The following SLC38A9 variants were observed in gnomAD, a reference collection of about 807,000 sequenced individuals.
SLC38A9 encodes the protein solute carrier family 38 member 9, also known as neutral amino acid transporter 9.
SLC38A9 carries 48 observed loss-of-function variants against 62.3 expected under a neutral mutation model. The ratio of observed to expected loss-of-function variants is 0.77; its 90% CI spans 0.61 to 0.98. SLC38A9 has a LOEUF of 0.98. Among genes scored for constraint, SLC38A9 ranks in the 50% least tolerant of loss-of-function variants. The pLI is 0.00. For missense variants in SLC38A9, 541 were observed against 679.8 expected, an observed-to-expected ratio of 0.80 and a Z score of 2.27; for synonymous variants, 204 against 227.7, an observed-to-expected ratio of 0.90 and a Z score of 0.94.
chr5:55,671,333 TTTTATAA>T (rs1373625933), intron 4 of SLC38A9, among the ~76,000 whole-genome samples: 2 of 151,896 alleles, frequency 1.3e-5, no homozygotes, highest in African/African-American at 4.8e-5. Flanking sequence ...ATTTTATAAA[TTTTATAA>T]TTTATAATTT....
At position 55,652,622 on chromosome 5, in the gene SLC38A9, T is replaced by TA; in HGVS notation, c.858dup (p.Lys287Ter). The TA allele has an allele frequency of 6.2e-7, 1 of 1,613,840 alleles. No homozygotes were observed. The highest frequency in any genetic ancestry group is 1.1e-5 in the South Asian group (1 of 91,062). ...AGATAAAAGGGGACTGTCCTGGACT[T>TA]ATCCCACCACTTTTCAAACTGTTGG... On this transcript the variant is annotated frameshift_variant, in exon 10 of 16. Coordinates refer to ENST00000396865, the MANE Select transcript of SLC38A9 (RefSeq NM_173514.4). LOFTEE classifies it high-confidence loss of function.
chr5:55,664,994 A>T, intron 7 of SLC38A9, 131 bp from the exon 8 acceptor site: 2 of 433,994 alleles, frequency 4.6e-6, no homozygotes, highest in Non-Finnish European at 4.1e-6. Flanking sequence ...ACATTAGAAT[A>T]TATTATAAGA....
At chr5:55,673,405 T>C (rs1200068044) in intron 3 of SLC38A9, 1 of 152,234 alleles carries the variant, frequency 6.6e-6, no homozygotes, top group Non-Finnish European at 1.5e-5. Flanking sequence ...CTTCAGTTCC[T>C]TTCTGAAACT....
rs376608985 is a variant in SLC38A9 at position 55,656,712 on chromosome 5, T to C, written c.757+3A>G. 4.4e-5 allele frequency: 71 copies of C among 1,596,012 alleles called. No individual in the cohort carries two copies. In the African/African-American group the frequency reaches 8.4e-4, roughly 19 times the overall value. On this transcript the variant is annotated splice_donor_region_variant and intron_variant, in intron 9 of 15. Transcript: ENST00000396865. Reference sequence around the variant, plus strand: ...GAAACAAACAACATCCCAAACTACTTACCAGGGTTGCTATTATTGGTACTC... The same window carrying C: ...GAAACAAACAACATCCCAAACTACTCACCAGGGTTGCTATTATTGGTACTC...
intron 12 of SLC38A9, 117 bp from the exon 13 acceptor site, chr5:55,635,774 G>A: frequency 6.4e-6 from 4 of 628,284 alleles, no homozygotes; most frequent in Middle Eastern, 3.9e-4. Flanking sequence ...TTGTACATGT[G>A]TGTATATACT....
At chr5:55,638,372 G>A (rs547291377) in intron 12 of SLC38A9, among the ~76,000 whole-genome samples, 51 of 152,136 alleles carry the variant, frequency 3.4e-4, no homozygotes, top group African/African-American at 1.2e-3. Flanking sequence ...TAGAAAACGA[G>A]GCTCAAAGTA....
At chr5:55,652,391 A>G in intron 10 of SLC38A9, 138 bp downstream of exon 10, 1 of 451,480 alleles carries the variant, frequency 2.2e-6, no homozygotes, top group South Asian at 1.0e-4. Flanking sequence ...AGAAAGAAAG[A>G]ACAAAACAAA....
At chr5:55,633,545 T>G in intron 14 of SLC38A9, 5 of 557,812 alleles carry the variant, frequency 9.0e-6, no homozygotes, top group African/African-American at 1.9e-5. Flanking sequence ...TTAACTATAC[T>G]GGAAGGAATG....
intron 12 of SLC38A9, among the ~76,000 whole-genome samples, chr5:55,643,432 A>C (rs561453890): frequency 6.6e-6 from 1 of 152,290 alleles, no homozygotes; most frequent in South Asian, 2.1e-4. Flanking sequence ...ATTTATTGAG[A>C]ATTGTTTTAT....
chr5:55,683,041 G>C (rs974547799), intron 3 of SLC38A9, among the ~76,000 whole-genome samples: 4 of 151,802 alleles, frequency 2.6e-5, no homozygotes, highest in Non-Finnish European at 5.9e-5. Context: ...AGAAGAGAGG[G>C]AAGGAGGCAG....
At chr5:55,666,049 G>T (rs1750406662) in intron 7 of SLC38A9, among the ~76,000 whole-genome samples, 1 of 152,124 alleles carries the variant, frequency 6.6e-6, no homozygotes, top group Non-Finnish European at 1.5e-5. Flanking sequence ...CAATGATTAT[G>T]CAAATACAAT....
At chr5:55,700,360 C>CAAAAAAAAA (rs3042053) in intron 2 of SLC38A9, among the ~76,000 whole-genome samples, 1 of 140,042 alleles carries the variant, frequency 7.1e-6, no homozygotes. Flanking sequence ...TAAAACAAGC[C>CAAAAAAAAA]AAAAAAAAAA....
chr5:55,658,528 C>G (rs757123687), intron 8 of SLC38A9, among the ~76,000 whole-genome samples: 20 of 152,170 alleles, frequency 1.3e-4, no homozygotes, highest in Non-Finnish European at 2.4e-4. Context: ...GAGGGAGAAA[C>G]TGGAGTGATG....
chr5:55,665,197 C>T (rs534764981), intron 7 of SLC38A9: 4 of 155,812 alleles, frequency 2.6e-5, no homozygotes, highest in Admixed American at 6.5e-5. Context: ...AACAACATTG[C>T]GGAAAGTTTC....
Position 55,661,014 on chromosome 5 carries a change from C to T in SLC38A9, c.697+3679G>A, listed in dbSNP as rs1327058563. ...TATTTGTATATTAGAACTACTGTTA[C>T]AGAAAAAATGTTAAGATCCCGAGGA... On this transcript the variant is annotated intron_variant, in intron 8 of 15. Transcript: ENST00000396865. 2.0e-5 allele frequency among the ~76,000 whole-genome samples: 3 copies of T among 147,378 alleles called. No homozygotes were observed. In the South Asian group the frequency reaches 6.7e-4, roughly 33 times the overall value.
At chr5:55,663,526 A>G (rs565147614) in intron 8 of SLC38A9, among the ~76,000 whole-genome samples, 9 of 152,032 alleles carry the variant, frequency 5.9e-5, no homozygotes, top group African/African-American at 2.2e-4. Context: ...ACTTGAGGTC[A>G]GGAGATCGAG....
At chr5:55,651,696 C>A (rs6890767) in intron 10 of SLC38A9, among the ~76,000 whole-genome samples, 90,404 of 151,930 alleles carry the variant, frequency 0.6, 27,570 homozygotes, top group South Asian at 0.7. Flanking sequence ...AATAAACCTA[C>A]GAAGCCTGAG....
At chr5:55,677,784 C>T (rs1216153686) in intron 3 of SLC38A9, among the ~76,000 whole-genome samples, 1 of 151,378 alleles carries the variant, frequency 6.6e-6, no homozygotes, top group African/African-American at 2.4e-5. Flanking sequence ...CTGCCTCTGT[C>T]TCCCAAAATG....
intron 2 of SLC38A9, among the ~76,000 whole-genome samples, chr5:55,704,986 C>T (rs1580446731): frequency 6.6e-6 from 1 of 152,132 alleles, no homozygotes; most frequent in Admixed American, 6.5e-5. Context: ...ATTCAACAAA[C>T]ATAGCTATCA....
Sources: gnomAD v4.1 joint callset for allele counts (sites outside exome capture counted in the v4.1 genomes callset) on GRCh38, gnomAD v4.1.1 for gene constraint, MANE v1.5 for transcripts, NCBI Gene and HGNC (gene_info 2026-07-23, HGNC 2026-07-21) for gene names.